The following MPDZ variants were observed in gnomAD, a reference collection of about 807,000 sequenced individuals.
MPDZ encodes multiple PDZ domain crumbs cell polarity complex component, also known as multiple PDZ domain protein.
MPDZ carries 234 observed loss-of-function variants against 239.1 expected under a neutral mutation model. That is an observed-to-expected ratio of 0.98 (90% CI 0.88 to 1.09). The LOEUF (loss-of-function observed/expected upper bound fraction) is 1.09. Among genes scored for constraint, MPDZ ranks in the 50% least tolerant of loss-of-function variants. The pLI is 0.00. For missense variants in MPDZ, 3,175 were observed against 2,510.0 expected (o/e 1.26, Z -5.66); for synonymous variants, 1,048 against 881.3 (o/e 1.19, Z -3.35).
chr9:13,223,246 C>T (rs911277703), intron 5 of MPDZ, among the ~76,000 whole-genome samples: 3 of 151,644 alleles, frequency 2.0e-5, no homozygotes, highest in African/African-American at 7.3e-5. Context: ...AAATGCAGCT[C>T]GAATTATTAT....
At chr9:13,253,476 C>G (rs1968636676) in intron 1 of MPDZ, among the ~76,000 whole-genome samples, 1 of 152,202 alleles carries the variant, frequency 6.6e-6, no homozygotes, top group Non-Finnish European at 1.5e-5. Flanking sequence ...ACAAACTCAT[C>G]TGTAATCACA....
intron 3 of MPDZ, among the ~76,000 whole-genome samples, chr9:13,238,585 T>C (rs1050367311): frequency 1.3e-5 from 2 of 152,184 alleles, no homozygotes; most frequent in African/African-American, 2.4e-5. Flanking sequence ...CTTAATTTTC[T>C]TGGTGCAAGA....
intron 31 of MPDZ, chr9:13,135,079 T>G (rs1188212646): frequency 6.6e-6 from 1 of 152,218 alleles, no homozygotes; most frequent in Non-Finnish European, 1.5e-5. Flanking sequence ...AATGTCCCAA[T>G]GTACATTTTT....
intron 40 of MPDZ, 88 bp downstream of exon 40, chr9:13,115,160 C>A: frequency 2.6e-6 from 3 of 1,132,942 alleles, no homozygotes; most frequent in Non-Finnish European, 3.9e-6. Flanking sequence ...GGGGACCAGA[C>A]CTTGTACACA....
intron 2 of MPDZ, among the ~76,000 whole-genome samples, chr9:13,249,425 T>C (rs1472749269): frequency 6.6e-6 from 1 of 152,034 alleles, no homozygotes; most frequent in Non-Finnish European, 1.5e-5. Context: ...TAGTATAAAA[T>C]GGGAAGTGAA....
intron 6 of MPDZ, 96 bp downstream of exon 6, chr9:13,222,137 G>A: frequency 1.1e-6 from 1 of 886,610 alleles, no homozygotes; most frequent in Non-Finnish European, 1.6e-6. Flanking sequence ...AAAAACTCAA[G>A]AAGTGCAAAG....
At chr9:13,254,719 G>C (rs1359506435) in intron 1 of MPDZ, among the ~76,000 whole-genome samples, 1 of 152,166 alleles carries the variant, frequency 6.6e-6, no homozygotes, top group East Asian at 1.9e-4. Context: ...CTACACTGTA[G>C]TCTATTAAAT....
intron 39 of MPDZ, among the ~76,000 whole-genome samples, chr9:13,115,838 A>G (rs991436188): frequency 6.6e-5 from 10 of 150,706 alleles, no homozygotes; most frequent in Non-Finnish European, 1.2e-4. Flanking sequence ...CCAGCTACTC[A>G]GGAGGCTGAG....
chr9:13,109,057 G>A lies in MPDZ; in HGVS notation c.5945C>T (p.Pro1982Leu). Residue 1982 changes from proline to leucine, a missense_variant and splice_region_variant, in exon 46 of 47, where the codon CCT (proline) becomes CTT (leucine). Physicochemically the swap from Pro to Leu is moderately conservative, Grantham distance 98. Coordinates refer to ENST00000319217, the MANE Select transcript of MPDZ (RefSeq NM_001378778.1). ...TAGTGTAATAGACTTACATTGAGGA[G>A]GTCTACGGTGAAGGAAAGGAAAAAG... ...SSSIFQDDLG[P>L]PQCKSITLER... The A allele has an allele frequency of 7.0e-7, 1 of 1,426,866 alleles. No individual in the cohort carries two copies. 88.4% of individuals were successfully genotyped at this position (1,426,866 alleles called of 1,614,324 possible).
chr9:13,113,506 CA>C (rs1942854431), intron 41 of MPDZ, among the ~76,000 whole-genome samples: 1 of 152,030 alleles, frequency 6.6e-6, no homozygotes, highest in Non-Finnish European at 1.5e-5. Flanking sequence ...TGCACCAAGC[CA>C]AAAATCCCTC....
At chr9:13,183,615 A>G in intron 18 of MPDZ, 30 bp from the exon 19 acceptor site, 1 of 1,604,668 alleles carries the variant, frequency 6.2e-7, no homozygotes. Context: ...ATCAGTTGGG[A>G]ATTCTGTTCT....
intron 3 of MPDZ, among the ~76,000 whole-genome samples, chr9:13,230,448 G>A (rs1280791147): frequency 6.6e-6 from 1 of 151,864 alleles, no homozygotes; most frequent in Non-Finnish European, 1.5e-5. Flanking sequence ...AAAAATAAAA[G>A]AAGAAAAATA....
At chr9:13,236,197 ATGTGTGTGTG>A (rs377695828) in intron 3 of MPDZ, among the ~76,000 whole-genome samples, 7 of 76,966 alleles carry the variant, frequency 9.1e-5, no homozygotes, top group Admixed American at 1.8e-4. Flanking sequence ...TTCTGTATAT[ATGTGTGTGTG>A]TGTGTGTGTG....
At chr9:13,249,541 C>T (rs1283630141) in intron 2 of MPDZ, among the ~76,000 whole-genome samples, 1 of 152,186 alleles carries the variant, frequency 6.6e-6, no homozygotes, top group Non-Finnish European at 1.5e-5. Flanking sequence ...GTTACTGTCA[C>T]TGACTGTCAC....
intron 32 of MPDZ, among the ~76,000 whole-genome samples, chr9:13,131,355 C>G (rs1945972923): frequency 6.6e-6 from 1 of 152,144 alleles, no homozygotes; most frequent in African/African-American, 2.4e-5. Flanking sequence ...ATAACTCACA[C>G]TGTGGTAAGC....
At chr9:13,214,869 G>T (rs1342742942) in intron 10 of MPDZ, among the ~76,000 whole-genome samples, 1 of 145,016 alleles carries the variant, frequency 6.9e-6, no homozygotes, top group Non-Finnish European at 1.5e-5. Context: ...CTGAAGAGGT[G>T]AACAGGTGTA....
chr9:13,256,243 C>T (rs1252089901), intron 1 of MPDZ, among the ~76,000 whole-genome samples: 2 of 152,140 alleles, frequency 1.3e-5, no homozygotes, highest in East Asian at 1.9e-4. Flanking sequence ...TAGGCTTTGG[C>T]GTAAGGGAAT....
chr9:13,260,709 T>C (rs1775215329), intron 1 of MPDZ, among the ~76,000 whole-genome samples: 1 of 152,134 alleles, frequency 6.6e-6, no homozygotes, highest in Admixed American at 6.5e-5. Flanking sequence ...ACTGTCTATG[T>C]GCAAGCACTG....
intron 40 of MPDZ, among the ~76,000 whole-genome samples, chr9:13,114,904 T>C (rs1173805147): frequency 2.0e-5 from 3 of 151,468 alleles, no homozygotes; most frequent in African/African-American, 7.3e-5. Context: ...TGTCTCAAAA[T>C]AAATAAATAA....
Sources: allele counts gnomAD v4.1 joint callset (sites outside exome capture counted in the v4.1 genomes callset), GRCh38; gene constraint gnomAD v4.1.1; transcripts MANE v1.5; gene names NCBI Gene and HGNC (gene_info 2026-07-23, HGNC 2026-07-21).